The following TIAM1 variants were observed in gnomAD, a reference collection of about 807,000 sequenced individuals.
TIAM1 encodes rho guanine nucleotide exchange factor TIAM1.
Under a neutral mutation model 163.5 loss-of-function variants are expected in TIAM1, and 65 were observed. The observed-to-expected ratio is 0.40, with a 90% CI of 0.33 to 0.49. TIAM1 has a LOEUF of 0.49. Among genes scored for constraint, TIAM1 ranks in the 20% least tolerant of loss-of-function variants. The pLI is 0.77. For missense variants in TIAM1, 1,789 were observed against 2,044.7 expected (o/e 0.87, Z 2.41); for synonymous variants, 833 against 810.1 (o/e 1.03, Z -0.48).
chr21:31,123,248 T>C (rs964830058), intron 27 of TIAM1, among the ~76,000 whole-genome samples: 2 of 152,224 alleles, frequency 1.3e-5, no homozygotes, highest in African/African-American at 2.4e-5. Flanking sequence ...TTGAGTTCCC[T>C]GAGGTTGAGA....
At chr21:31,418,023 A>G (rs1446027193) in intron 2 of TIAM1, among the ~76,000 whole-genome samples, 6 of 152,136 alleles carry the variant, frequency 3.9e-5, no homozygotes, top group Non-Finnish European at 7.4e-5. Context: ...GAAAGGCCCA[A>G]AAGGTACTGA....
At chr21:31,463,079 G>A (rs1447861067) in intron 2 of TIAM1, among the ~76,000 whole-genome samples, 2 of 145,816 alleles carry the variant, frequency 1.4e-5, no homozygotes, top group Admixed American at 1.3e-4. Context: ...AGCACACCAG[G>A]GCTGGGGACG....
intron 2 of TIAM1, among the ~76,000 whole-genome samples, chr21:31,437,335 C>G (rs2044243746): frequency 6.6e-6 from 1 of 152,020 alleles, no homozygotes; most frequent in South Asian, 2.1e-4. Context: ...AAACCCATCT[C>G]TACTAAAAGT....
At chr21:31,218,583 G>A (rs9982510) in intron 8 of TIAM1, among the ~76,000 whole-genome samples, 14,461 of 151,788 alleles carry the variant, frequency 0.095, 1,158 homozygotes, top group East Asian at 0.39. Flanking sequence ...AAAAAAGCGG[G>A]GGGTGGGGAA....
chr21:31,402,028 C>A (rs1272218627), intron 2 of TIAM1, among the ~76,000 whole-genome samples: 2 of 151,924 alleles, frequency 1.3e-5, no homozygotes, highest in Non-Finnish European at 2.9e-5. Flanking sequence ...TCCTGGCCAA[C>A]ATGGTGAAAC....
chr21:31,554,966 A>C (rs932479344), intron 1 of TIAM1, among the ~76,000 whole-genome samples: 46 of 152,270 alleles, frequency 3.0e-4, no homozygotes, highest in Admixed American at 2.0e-3. Context: ...GGAAGGTCTT[A>C]TGCTGGAGGG....
intron 8 of TIAM1, among the ~76,000 whole-genome samples, chr21:31,219,928 C>T (rs978885636): frequency 3.9e-5 from 6 of 152,158 alleles, no homozygotes; most frequent in Non-Finnish European, 8.8e-5. Context: ...ATCACTTTCT[C>T]AGTTAAAGGT....
At chr21:31,176,173 C>T (rs1216021234) in intron 15 of TIAM1, among the ~76,000 whole-genome samples, 1 of 152,062 alleles carries the variant, frequency 6.6e-6, no homozygotes, top group Non-Finnish European at 1.5e-5. Context: ...GACAGCTCCC[C>T]ACAGCAAAGC....
At chr21:31,353,593 G>A (rs1400739250) in intron 2 of TIAM1, among the ~76,000 whole-genome samples, 1 of 152,124 alleles carries the variant, frequency 6.6e-6, no homozygotes, top group East Asian at 1.9e-4. Flanking sequence ...AGCTCAGCAA[G>A]GTACTACTTA....
chr21:31,410,354 A>G (rs2077330086), intron 2 of TIAM1, among the ~76,000 whole-genome samples: 1 of 151,254 alleles, frequency 6.6e-6, no homozygotes, highest in African/African-American at 2.4e-5. Context: ...GTGTGTGTGT[A>G]TGTGTGAGCA....
At position 31,552,048 on chromosome 21, in the gene TIAM1, C is replaced by CT. The variant is rs200300720; in HGVS notation, c.-422+6878dup. Among the ~76,000 whole-genome samples the CT allele has an allele frequency of 1.1e-3, 87 of 80,146 alleles. 5 individuals are homozygous for CT. Among genetic ancestry groups the CT allele is most frequent in the Non-Finnish European group, 1.4e-3 (66 of 46,118 alleles). 52.6% of individuals were successfully genotyped at this position (80,146 alleles called of 152,430 possible). On this transcript the variant is annotated intron_variant, in intron 1 of 28. Coordinates refer to the TIAM1 transcript ENST00000286827. ...TATATGGAATTTTTACTCTGCACTA[C>CT]TTTTTTTTTTTTTTTTTTTTTTTTT...
chr21:31,389,984 G>A (rs1602161248), intron 2 of TIAM1, among the ~76,000 whole-genome samples: 2 of 152,226 alleles, frequency 1.3e-5, no homozygotes, highest in East Asian at 1.9e-4. Context: ...AAAAGCCTTG[G>A]AACATATCAC....
intron 15 of TIAM1, among the ~76,000 whole-genome samples, chr21:31,179,883 C>T (rs8133189): frequency 0.048 from 7,188 of 150,772 alleles, 501 homozygotes; most frequent in African/African-American, 0.16. Flanking sequence ...CACACGTACA[C>T]GTACATATAC....
At chr21:31,142,670 A>G (rs2082911255) in intron 20 of TIAM1, among the ~76,000 whole-genome samples, 1 of 151,718 alleles carries the variant, frequency 6.6e-6, no homozygotes, top group African/African-American at 2.4e-5. Flanking sequence ...AAAAAGAAAA[A>G]GAAAAAAAAG....
chr21:31,501,883 G>A (rs915712341), intron 1 of TIAM1, among the ~76,000 whole-genome samples: 23 of 144 alleles, frequency 0.16, no homozygotes, highest in Non-Finnish European at 0.2. Flanking sequence ...GATTACAGGC[G>A]TGAGCACTGC....
intron 2 of TIAM1, among the ~76,000 whole-genome samples, chr21:31,306,352 A>C (rs1407479748): frequency 6.6e-6 from 1 of 152,230 alleles, no homozygotes; most frequent in East Asian, 1.9e-4. Flanking sequence ...GGAAACTACA[A>C]GTCCATATAG....
intron 10 of TIAM1, 196 bp downstream of exon 10, chr21:31,213,202 T>C (rs2032234340): frequency 2.6e-5 from 13 of 507,770 alleles, no homozygotes; most frequent in Non-Finnish European, 4.4e-5. Context: ...AGCAGGAGAA[T>C]GTTCCCTCTA....
chr21:31,256,588 TAC>T lies in TIAM1; in HGVS notation c.964-4401_964-4400del, dbSNP rs5030999. Among the ~76,000 whole-genome samples, 415 of 128,232 alleles carry T rather than the reference TAC, an allele frequency of 3.2e-3. 6 individuals are homozygous for T. The highest frequency in any genetic ancestry group is 8.6e-3 in the African/African-American group (293 of 34,000). 84.1% of individuals were successfully genotyped at this position (128,232 alleles called of 152,430 possible). A position where few individuals can be genotyped will look rare whatever the true frequency, so the allele number is the denominator to read the frequency against. On this transcript the variant is annotated intron_variant, in intron 4 of 27. Coordinates refer to ENST00000541036, the MANE Select transcript of TIAM1 (RefSeq NM_001353694.2). ...CCCCAAAATATTAAGTACCCCTCAC[TAC>T]ACACACACACACACACACACACACA...
At chr21:31,313,560 T>C (rs1385469804) in intron 2 of TIAM1, among the ~76,000 whole-genome samples, 1 of 152,178 alleles carries the variant, frequency 6.6e-6, no homozygotes, top group East Asian at 1.9e-4. Context: ...TATTAAAAAA[T>C]TCAGGAGTTC....
Sources: allele counts gnomAD v4.1 joint callset (sites outside exome capture counted in the v4.1 genomes callset), GRCh38; gene constraint gnomAD v4.1.1; transcripts MANE v1.5; gene names NCBI Gene and HGNC (gene_info 2026-07-23, HGNC 2026-07-21).